The following TOX3 variants were observed in gnomAD, a reference collection of about 807,000 sequenced individuals.
TOX3 encodes the protein TOX high mobility group box family member 3.
TOX3 carries 22 observed loss-of-function variants against 64.3 expected under a neutral mutation model. The observed-to-expected ratio is 0.34, with a 90% CI of 0.24 to 0.49. The LOEUF (loss-of-function observed/expected upper bound fraction) is 0.49. Ranked by LOEUF, TOX3 falls within the 20% of genes least tolerant of loss-of-function variation. The pLI, the probability that TOX3 is intolerant of heterozygous loss-of-function variation, is 0.99. For synonymous variants in TOX3, 291 were observed against 273.6 expected, an observed-to-expected ratio of 1.06 and a Z score of -0.63; for missense variants, 661 against 714.4, an observed-to-expected ratio of 0.93 and a Z score of 0.85.
intron 1 of TOX3, among the ~76,000 whole-genome samples, chr16:52,529,328 T>C (rs1409913027): frequency 1.3e-5 from 2 of 152,202 alleles, no homozygotes; most frequent in African/African-American, 2.4e-5. Context: ...AGCTTGTTTT[T>C]TAGTTTTACA....
At chr16:52,449,105 A>G (rs1203867613) in intron 4 of TOX3, among the ~76,000 whole-genome samples, 4 of 152,206 alleles carry the variant, frequency 2.6e-5, no homozygotes, top group African/African-American at 9.7e-5. Flanking sequence ...GAAACATAAC[A>G]AAAGAGTCTT....
chr16:52,478,859 A>G (rs1330224851), intron 1 of TOX3, among the ~76,000 whole-genome samples: 1 of 152,230 alleles, frequency 6.6e-6, no homozygotes, highest in African/African-American at 2.4e-5. Flanking sequence ...GATGTCATAC[A>G]GAGAGGCACT....
At chr16:52,496,183 T>C (rs1228817193) in intron 1 of TOX3, among the ~76,000 whole-genome samples, 1 of 152,162 alleles carries the variant, frequency 6.6e-6, no homozygotes, top group Non-Finnish European at 1.5e-5. Flanking sequence ...AAATGAGCCT[T>C]TGGGAGACAG....
chr16:52,537,293 C>T (rs1962972035), intron 1 of TOX3, among the ~76,000 whole-genome samples: 1 of 152,092 alleles, frequency 6.6e-6, no homozygotes, highest in Non-Finnish European at 1.5e-5. Flanking sequence ...TGTTCTCAAC[C>T]AACCACATCT....
chr16:52,519,971 AAAAAC>A (rs1457680458), intron 1 of TOX3, among the ~76,000 whole-genome samples: 3 of 83,878 alleles, frequency 3.6e-5, no homozygotes, highest in African/African-American at 2.6e-4. Context: ...ACTCTGTCTC[AAAAAC>A]AAAAAAAAAA....
At chr16:52,474,193 C>A (rs1393509763) in intron 1 of TOX3, among the ~76,000 whole-genome samples, 1 of 152,162 alleles carries the variant, frequency 6.6e-6, no homozygotes, top group African/African-American at 2.4e-5. Context: ...AATCCTCTCT[C>A]TCTGTCTCCC....
At chr16:52,493,597 CT>C (rs1462292012) in intron 1 of TOX3, among the ~76,000 whole-genome samples, 1 of 152,104 alleles carries the variant, frequency 6.6e-6, no homozygotes, top group African/African-American at 2.4e-5. Flanking sequence ...CTCGTTTGTT[CT>C]CCCTAGCCCC....
chr16:52,469,566 A>T (rs1169224322), intron 1 of TOX3, among the ~76,000 whole-genome samples: 1 of 152,286 alleles, frequency 6.6e-6, no homozygotes, highest in East Asian at 1.9e-4. Flanking sequence ...CATAGGTTTG[A>T]TCTCCAAAGG....
At chr16:52,497,090 C>T (rs1373756420) in intron 1 of TOX3, among the ~76,000 whole-genome samples, 1 of 152,124 alleles carries the variant, frequency 6.6e-6, no homozygotes, top group Non-Finnish European at 1.5e-5. Flanking sequence ...TTTATTGCTA[C>T]TTTGCTAAAA....
At chr16:52,444,126 T>G (rs1048848276) in intron 6 of TOX3, 150 bp downstream of exon 6, 1 of 530,460 alleles carries the variant, frequency 1.9e-6, no homozygotes, top group African/African-American at 1.9e-5. Context: ...ATCACTTGGG[T>G]AATCTCTAAT....
chr16:52,446,529 TAC>T (rs1960169610), intron 4 of TOX3, among the ~76,000 whole-genome samples: 1 of 152,200 alleles, frequency 6.6e-6, no homozygotes, highest in Non-Finnish European at 1.5e-5. Flanking sequence ...TATGCTATAC[TAC>T]ACATACATAC....
chr16:52,439,674 G>A lies in TOX3; in HGVS notation c.1282C>T (p.Pro428Ser). Residue 428 changes from proline (P) to serine (S), a missense_variant, in exon 7 of 7, where the codon CCC becomes TCC. By Grantham distance (74) the Pro-to-Ser change is moderately conservative. This residue lies in a region of TOX3 where 299 missense variants were observed against 292.1 expected (regional missense o/e 1.02). Coordinates refer to ENST00000219746, the MANE Select transcript of TOX3 (RefSeq NM_001080430.4). ...SMGTTMVGSA[P>S]STQVSPSVQT... is the part of the protein sequence containing the mutation. Reference sequence around the variant, plus strand: ...ACCGAAGGACTCACTTGGGTGGAGGGTGCTGAGCCAACCATGGTCGTTCCC... The same window carrying A: ...ACCGAAGGACTCACTTGGGTGGAGGATGCTGAGCCAACCATGGTCGTTCCC... 6.2e-7 allele frequency: 1 copy of A among 1,614,042 alleles called. No homozygotes were observed. The highest frequency in any genetic ancestry group is 8.5e-7 in the Non-Finnish European group (1 of 1,179,898).
At chr16:52,456,456 A>G (rs1267465608) in intron 3 of TOX3, among the ~76,000 whole-genome samples, 5 of 152,160 alleles carry the variant, frequency 3.3e-5, no homozygotes, top group African/African-American at 1.2e-4. Flanking sequence ...ATTGGCCTAT[A>G]TGATTCATGC....
At chr16:52,535,005 A>G (rs1011393363) in intron 1 of TOX3, among the ~76,000 whole-genome samples, 1 of 152,222 alleles carries the variant, frequency 6.6e-6, no homozygotes, top group African/African-American at 2.4e-5. Flanking sequence ...AAATCCCAAA[A>G]CTGAAGAAAG....
chr16:52,492,557 GTATATAAA>G (rs1961720151), intron 1 of TOX3, among the ~76,000 whole-genome samples: 1 of 51,962 alleles, frequency 1.9e-5, no homozygotes, highest in East Asian at 6.2e-4. Flanking sequence ...TATATTAGTT[GTATATAAA>G]TATATATATA....
At chr16:52,440,525 A>T (rs1959935667) in intron 6 of TOX3, among the ~76,000 whole-genome samples, 2 of 152,162 alleles carry the variant, frequency 1.3e-5, no homozygotes, top group Admixed American at 1.3e-4. Context: ...TTGTGGCAAA[A>T]GATAACCGAT....
At chr16:52,537,910 A>G (rs1489434750) in intron 1 of TOX3, among the ~76,000 whole-genome samples, 2 of 151,636 alleles carry the variant, frequency 1.3e-5, no homozygotes, top group African/African-American at 4.8e-5. Context: ...AGAAAGAAAA[A>G]GAAAAAAACA....
At chr16:52,517,020 A>G (rs1962476962) in intron 1 of TOX3, among the ~76,000 whole-genome samples, 1 of 152,218 alleles carries the variant, frequency 6.6e-6, no homozygotes, top group Non-Finnish European at 1.5e-5. Context: ...CCATGACCCA[A>G]GAAAACACTA....
intron 3 of TOX3, among the ~76,000 whole-genome samples, chr16:52,461,621 T>C (rs1960692677): frequency 6.6e-6 from 1 of 152,130 alleles, no homozygotes; most frequent in African/African-American, 2.4e-5. Flanking sequence ...TCTTATATGA[T>C]AGTCTTAATT....
Sources: allele counts gnomAD v4.1 joint callset (sites outside exome capture counted in the v4.1 genomes callset), GRCh38; gene constraint gnomAD v4.1.1; regional missense constraint gnomAD v4.1.1; transcripts MANE v1.5; gene names NCBI Gene and HGNC (gene_info 2026-07-23, HGNC 2026-07-21).